Variants in CCDC172 observed in about 807,000 individuals in gnomAD.
CCDC172 encodes coiled-coil domain containing 172, also known as coiled-coil domain-containing protein 172.
CCDC172 carries 30 observed loss-of-function variants against 38.0 expected under a neutral mutation model. That is an observed-to-expected ratio of 0.79 (90% CI 0.59 to 1.07). The LOEUF is 1.07. Ranked by LOEUF, CCDC172 falls within the 50% of genes least tolerant of loss-of-function variation. The probability of loss-of-function intolerance (pLI) is 0.00; values close to 1 mark genes in which losing one functional copy is unlikely to be tolerated. For missense variants in CCDC172, 297 were observed against 290.1 expected, an observed-to-expected ratio of 1.02 and a Z score of -0.17; for synonymous variants, 78 against 88.3, an observed-to-expected ratio of 0.88 and a Z score of 0.66.
intron 7 of CCDC172, among the ~76,000 whole-genome samples, chr10:116,363,841 G>C (rs1256777114): frequency 6.6e-6 from 1 of 151,128 alleles, no homozygotes; most frequent in Admixed American, 6.6e-5. Context: ...TGAGGCAGGA[G>C]AATCTCTTGA....
intron 3 of CCDC172, among the ~76,000 whole-genome samples, chr10:116,338,931 A>G (rs549043776): frequency 6.6e-6 from 1 of 152,152 alleles, no homozygotes; most frequent in East Asian, 1.9e-4. Context: ...GAAGGGCATA[A>G]TACTTGAAAT....
At chr10:116,335,767 T>C (rs1311362814) in intron 3 of CCDC172, among the ~76,000 whole-genome samples, 2 of 152,196 alleles carry the variant, frequency 1.3e-5, no homozygotes, top group African/African-American at 4.8e-5. Context: ...TTTCTGTTTT[T>C]GTTGGTAACT....
At chr10:116,340,920 A>G in intron 4 of CCDC172, 70 bp downstream of exon 4, 1 of 864,264 alleles carries the variant, frequency 1.2e-6, no homozygotes, top group Non-Finnish European at 1.9e-6. Context: ...ATACTTAAGT[A>G]TACTTTTAGA....
At chr10:116,366,080 A>G (rs1449805643) in intron 7 of CCDC172, among the ~76,000 whole-genome samples, 1 of 152,178 alleles carries the variant, frequency 6.6e-6, no homozygotes, top group African/African-American at 2.4e-5. Context: ...CCCTTATTAT[A>G]AATATTATAT....
At chr10:116,329,985 C>T (rs1447208478) in intron 3 of CCDC172, among the ~76,000 whole-genome samples, 2 of 152,150 alleles carry the variant, frequency 1.3e-5, no homozygotes, top group African/African-American at 2.4e-5. Context: ...CCACGATTGT[C>T]TCAAGAGAGA....
At chr10:116,372,008 T>G (rs1301488201) in intron 7 of CCDC172, among the ~76,000 whole-genome samples, 1 of 152,090 alleles carries the variant, frequency 6.6e-6, no homozygotes. Flanking sequence ...TTCATCACCC[T>G]TAGGCACCCT....
chr10:116,347,280 A>G (rs1844879381), intron 5 of CCDC172, among the ~76,000 whole-genome samples: 1 of 152,168 alleles, frequency 6.6e-6, no homozygotes, highest in Non-Finnish European at 1.5e-5. Context: ...AGTTGACATC[A>G]CCTAGGGAGA....
chr10:116,357,854 A>ATT lies in CCDC172; in HGVS notation c.570_571insTT (p.Glu191LeufsTer10), dbSNP rs1845018027. 6.6e-7 allele frequency: 1 copy of ATT among 1,511,774 alleles called. No homozygotes were observed. Among genetic ancestry groups the ATT allele is most frequent in the East Asian group, 2.3e-5 (1 of 43,018 alleles). 93.6% of individuals were successfully genotyped at this position (1,511,774 alleles called of 1,614,324 possible). A position where few individuals can be genotyped will look rare whatever the true frequency, so the allele number is the denominator to read the frequency against. On this transcript the variant is annotated frameshift_variant, in exon 7 of 9. Transcript: ENST00000333254. LOFTEE classifies it high-confidence loss of function. ...TGTTTAGTTTTTGAAGATGAAGAGA[A>ATT]TGAATCCATTTGTACTACCAAATAT...
At chr10:116,358,827 G>A (rs1273874283) in intron 7 of CCDC172, among the ~76,000 whole-genome samples, 3 of 150,236 alleles carry the variant, frequency 2.0e-5, no homozygotes, top group African/African-American at 7.3e-5. Context: ...ATTTTTTTTT[G>A]CACTTTAAAA....
rs940069076 is a variant in CCDC172 at position 116,327,968 on chromosome 10, C to G, written c.165+2580C>G. On this transcript the variant is annotated intron_variant, in intron 3 of 8. Transcript: ENST00000333254. ...ACTTGGCATTTATTGACCCATTTAT[C>G]AAACAGTAGCAGCACAAGGAGAAAC... 5.3e-5 allele frequency among the ~76,000 whole-genome samples: 8 copies of G among 152,174 alleles called. No homozygotes were observed. The East Asian group carries it at 1.5e-3, about 29-fold the overall frequency.
At chr10:116,361,873 C>T (rs1327817886) in intron 7 of CCDC172, among the ~76,000 whole-genome samples, 2 of 152,058 alleles carry the variant, frequency 1.3e-5, no homozygotes, top group African/African-American at 4.8e-5. Flanking sequence ...TGTATATTTT[C>T]ACATGTATAT....
In CCDC172 at chr10:116,379,470, G is replaced by T; in HGVS notation, c.*112G>T. ...TACAACGGATCCTTGTGGGAAATAT[G>T]GGGTTTAAAATATTCAAATTGTTAT... is the stretch of plus-strand genomic sequence containing the variant. On this transcript the variant is annotated 3_prime_UTR_variant, in exon 9 of 9. Transcript: ENST00000333254. 1 of 575,790 alleles carries T rather than the reference G, an allele frequency of 1.7e-6. No individual in the cohort carries two copies. The highest frequency in any genetic ancestry group is 2.9e-6 in the Non-Finnish European group (1 of 344,976). The allele number at this position is 575,790 out of a possible 1,614,324, so 35.7% of individuals were successfully genotyped here.
intron 8 of CCDC172, among the ~76,000 whole-genome samples, chr10:116,378,831 G>A (rs375959027): frequency 5.3e-5 from 8 of 152,098 alleles, no homozygotes; most frequent in Admixed American, 1.3e-4. Context: ...TGCACTGAAG[G>A]AAATTTAACT....
intron 7 of CCDC172, among the ~76,000 whole-genome samples, chr10:116,370,222 C>T (rs1589959568): frequency 6.6e-6 from 1 of 150,868 alleles, no homozygotes; most frequent in African/African-American, 2.4e-5. Flanking sequence ...ATACTCTTTT[C>T]TTTTATTGCA....
At chr10:116,364,832 A>G (rs1300924747) in intron 7 of CCDC172, among the ~76,000 whole-genome samples, 1 of 152,206 alleles carries the variant, frequency 6.6e-6, no homozygotes, top group African/African-American at 2.4e-5. Context: ...TTCTACTTTA[A>G]ATAGTAGTGT....
intron 7 of CCDC172, among the ~76,000 whole-genome samples, chr10:116,377,545 A>G (rs1209268692): frequency 6.6e-6 from 1 of 152,156 alleles, no homozygotes; most frequent in African/African-American, 2.4e-5. Context: ...GTGCTTTTTC[A>G]TGTTAAAAAA....
chr10:116,341,804 T>A (rs1844798567), intron 4 of CCDC172, among the ~76,000 whole-genome samples: 1 of 151,844 alleles, frequency 6.6e-6, no homozygotes, highest in Non-Finnish European at 1.5e-5. Context: ...ACCTCAATAA[T>A]TCTCCCAAAA....
At chr10:116,363,428 A>G (rs560907333) in intron 7 of CCDC172, among the ~76,000 whole-genome samples, 60 of 152,212 alleles carry the variant, frequency 3.9e-4, no homozygotes, top group Non-Finnish European at 6.3e-4. Flanking sequence ...GAAATAAATT[A>G]TATATGAAAT....
At chr10:116,353,180 G>T (rs936757931) in intron 5 of CCDC172, among the ~76,000 whole-genome samples, 52 of 146,594 alleles carry the variant, frequency 3.5e-4, no homozygotes, top group African/African-American at 1.3e-3. Context: ...GCGACAGAGC[G>T]AGACTCCATC....
Sources: allele counts gnomAD v4.1 joint callset (sites outside exome capture counted in the v4.1 genomes callset), GRCh38; gene constraint gnomAD v4.1.1; transcripts MANE v1.5; gene names NCBI Gene and HGNC (gene_info 2026-07-23, HGNC 2026-07-21).